ZNF418: variants seen among roughly 807,000 people sequenced by gnomAD.
ZNF418 encodes zinc finger protein 418.
A neutral mutation model predicts 32.0 loss-of-function variants in ZNF418; 32 were observed. The observed-to-expected ratio is 1.00, with a 90% CI of 0.75 to 1.34. ZNF418 has a LOEUF of 1.34. Ranked by LOEUF, ZNF418 falls within the 40% of genes most tolerant of loss-of-function variation. ZNF418 has a pLI of 0.00. For missense variants in ZNF418, 804 were observed against 812.5 expected, an observed-to-expected ratio of 0.99 and a Z score of 0.13; for synonymous variants, 276 against 270.7, an observed-to-expected ratio of 1.02 and a Z score of -0.19.
intron 1 of ZNF418, among the ~76,000 whole-genome samples, chr19:57,934,442 C>T (rs935102641): frequency 1.3e-5 from 2 of 152,172 alleles, no homozygotes; most frequent in African/African-American, 4.8e-5. Flanking sequence ...TCTCGAACTC[C>T]CGACCTCAGG....
chr19:57,933,939 C>T lies in ZNF418; in HGVS notation c.-80-37G>A, dbSNP rs763420864. 1.2e-5 allele frequency: 20 copies of T among 1,605,462 alleles called. No individual in the cohort carries two copies. The East Asian group carries it at 2.0e-4, about 16-fold the overall frequency. ...TGGGACTGTGGTAACATCACCTCCT[C>T]GCCGCCCTCTTGCCTCCCCACCGAA... On this transcript the variant is annotated intron_variant, in intron 1 of 5. Coordinates refer to ENST00000396147, the MANE Select transcript of ZNF418 (RefSeq NM_133460.3).
In ZNF418 at chr19:57,922,512, A is replaced by C. The variant is rs1388766266; in HGVS notation, c.*743T>G. The C allele has an allele frequency of 8.3e-5, 33 of 398,316 alleles. No individual in the cohort carries two copies. The highest frequency in any genetic ancestry group is 4.4e-6 in the Non-Finnish European group (1 of 225,998). The allele number at this position is 398,316 out of a possible 1,614,324, so 24.7% of individuals were successfully genotyped here. On this transcript the variant is annotated 3_prime_UTR_variant, in exon 6 of 6. Transcript: ENST00000396147. ...TCTGTAAGGAAATGCTTGAACCCAA[A>C]GAGAGAACATGCAGATCATAATCAG...
chr19:57,930,672 G>C, intron 2 of ZNF418, 118 bp from the exon 3 acceptor site: 1 of 1,453,292 alleles, frequency 6.9e-7, no homozygotes. Context: ...CAGCACAGAG[G>C]AGAAACTAGT....
Position 57,925,827 on chromosome 19 carries a change from G to A in ZNF418, c.*323C>T, listed in dbSNP as rs954415094. Reference sequence around the variant, plus strand: ...AATTGAGTTTATGCAGATGCTGAAGGTATGTCAATTTAGGCAGATGGCTCC... The same window carrying A: ...AATTGAGTTTATGCAGATGCTGAAGATATGTCAATTTAGGCAGATGGCTCC... On this transcript the variant is annotated 3_prime_UTR_variant, in exon 4 of 6. Coordinates refer to ENST00000396147, the MANE Select transcript of ZNF418 (RefSeq NM_133460.3). 1.9e-5 allele frequency: 5 copies of A among 267,798 alleles called. 1 individual carries two copies. In the Middle Eastern group the frequency reaches 5.1e-3, roughly 273 times the overall value. 16.6% of individuals were successfully genotyped at this position (267,798 alleles called of 1,614,324 possible). A position where few individuals can be genotyped will look rare whatever the true frequency, so the allele number is the denominator to read the frequency against.
chr19:57,933,515 G>C (rs948639029), intron 2 of ZNF418, among the ~76,000 whole-genome samples: 2 of 152,236 alleles, frequency 1.3e-5, no homozygotes, highest in Non-Finnish European at 2.9e-5. Context: ...GAGGTCAGGA[G>C]ATTGAGACTA....
chr19:57,929,404 T>C (rs2072387566), intron 3 of ZNF418, among the ~76,000 whole-genome samples: 1 of 152,168 alleles, frequency 6.6e-6, no homozygotes, highest in Non-Finnish European at 1.5e-5. Context: ...GGACTCTCCA[T>C]CCCACCATCA....
intron 3 of ZNF418, among the ~76,000 whole-genome samples, chr19:57,930,214 C>T (rs2072426538): frequency 1.3e-5 from 2 of 152,110 alleles, no homozygotes; most frequent in Admixed American, 1.3e-4. Context: ...TAACTCCTTC[C>T]CTGAGAGTCT....
At chr19:57,925,187 G>A (rs2072159236) in intron 4 of ZNF418, among the ~76,000 whole-genome samples, 2 of 151,994 alleles carry the variant, frequency 1.3e-5, no homozygotes, top group South Asian at 2.1e-4. Context: ...CCCGCTGGGT[G>A]CGGTGGCTCA....
Position 57,926,778 on chromosome 19 carries a change from T to C in ZNF418, c.1403A>G (p.His468Arg), listed in dbSNP as rs1600167801. 1.2e-6 allele frequency: 2 copies of C among 1,613,942 alleles called. No homozygotes were observed. Among genetic ancestry groups the C allele is most frequent in the Non-Finnish European group, 1.7e-6 (2 of 1,179,970 alleles). Reference sequence around the variant, plus strand: ...GTGAACTCTCTGGTGTTCAATGAGGTGGGACTTGCCCCTAAATAATTTCCT... The same window carrying C: ...GTGAACTCTCTGGTGTTCAATGAGGCGGGACTTGCCCCTAAATAATTTCCT... The part of the protein sequence containing the change: ...ECRKLFRGKS[H>R]LIEHQRVHTG... The change falls in exon 4 of 6, where the codon CAC (histidine) becomes CGC (arginine). Residue 468 changes from histidine to arginine, a missense_variant. Physicochemically the swap from His to Arg is conservative, Grantham distance 29. This residue lies in a region of ZNF418 where 475 missense variants were observed against 458.6 expected (regional missense o/e 1.04). Coordinates refer to ENST00000396147, the MANE Select transcript of ZNF418 (RefSeq NM_133460.3).
chr19:57,927,736 T>C lies in ZNF418; in HGVS notation c.445A>G (p.Arg149Gly). 1.2e-6 allele frequency: 2 copies of C among 1,614,148 alleles called. No homozygotes were observed. The highest frequency in any genetic ancestry group is 1.7e-6 in the Non-Finnish European group (2 of 1,179,978). ...SSVEEALFVKRCKFHVSEESS... is the reference protein window; with the variant it reads ...SSVEEALFVKGCKFHVSEESS... ...TCCTCTGACACATGGAACTTACACC[T>C]CTTCACAAACAATGCTTCCTCAACA... Residue 149 changes from arginine (R) to glycine (G), a missense_variant, in exon 4 of 6, where the codon AGG becomes GGG. By Grantham distance (125) the Arg-to-Gly change is moderately radical. Transcript: ENST00000396147.
chr19:57,923,505 C>CATACATGTATATACATATAT, intron 4 of ZNF418, among the ~76,000 whole-genome samples: 1 of 149,418 alleles, frequency 6.7e-6, no homozygotes, highest in African/African-American at 2.5e-5. Flanking sequence ...TACATATATA[C>CATACATGTATATACATATAT]ACACACATAT....
Position 57,927,287 on chromosome 19 carries a change from C to T in ZNF418, c.894G>A (p.Lys298=), listed in dbSNP as rs758124990. 1 of 1,613,786 alleles carries T rather than the reference C, an allele frequency of 6.2e-7. No individual in the cohort carries two copies. Among genetic ancestry groups the T allele is most frequent in the Non-Finnish European group, 8.5e-7 (1 of 1,179,992 alleles). The change falls in exon 4 of 6, where the codon AAG becomes AAA. Residue 298 remains lysine, a synonymous_variant. Coordinates refer to ENST00000396147, the MANE Select transcript of ZNF418 (RefSeq NM_133460.3). ...CTCGCTGATGCTGAACAAGGCTGCC[C>T]TTATGACTAAAAGATTTCCCACATT... ...CGECGKSFSH[K]GSLVQHQRVH...
In ZNF418 at chr19:57,926,112, GCA is replaced by G. The variant is rs2072204892; in HGVS notation, c.*36_*37del. On this transcript the variant is annotated 3_prime_UTR_variant, in exon 4 of 6. Coordinates refer to ENST00000396147, the MANE Select transcript of ZNF418 (RefSeq NM_133460.3). ...GTAAGAACCCTCTGATCAAGAAGAT[GCA>G]CAGAGGTTTAGCTAAAGAATTTCCC... 3 of 1,536,492 alleles carry G rather than the reference GCA, an allele frequency of 2.0e-6. No individual in the cohort carries two copies. Among genetic ancestry groups the G allele is most frequent in the East Asian group, 2.3e-5 (1 of 44,424 alleles).
rs2072014895 is a variant in ZNF418 at position 57,921,995 on chromosome 19, T to C, written c.*1260A>G. ...GAAGCATGCAGTTTATATAGTATTT[T>C]CACTTATCACCCTCCGCCTAGCTCA... is the stretch of plus-strand genomic sequence containing the variant. On this transcript the variant is annotated 3_prime_UTR_variant, in exon 6 of 6. Transcript: ENST00000396147. 1 of 152,278 alleles carries C rather than the reference T, an allele frequency of 6.6e-6. No individual in the cohort carries two copies. The highest frequency in any genetic ancestry group is 6.5e-5 in the Admixed American group (1 of 15,282). 9.4% of individuals were successfully genotyped at this position (152,278 alleles called of 1,614,324 possible).
chr19:57,932,007 A>G lies in ZNF418; in HGVS notation c.7-1453T>C, dbSNP rs557296452. 4.4e-3 allele frequency among the ~76,000 whole-genome samples: 672 copies of G among 152,336 alleles called. 2 individuals are homozygous for G. Among genetic ancestry groups the G allele is most frequent in the Non-Finnish European group, 7.2e-3 (491 of 68,026 alleles). ...CCATCCACAGCAATTTCAAAATCAA[A>G]TAACTCACAGCCTGGCAGAGAGGGC... On this transcript the variant is annotated intron_variant, in intron 2 of 5. Coordinates refer to ENST00000396147, the MANE Select transcript of ZNF418 (RefSeq NM_133460.3).
chr19:57,923,520 A>ATG (rs1170989472), intron 4 of ZNF418, among the ~76,000 whole-genome samples: 1,796 of 140,518 alleles, frequency 0.013, no homozygotes, highest in Middle Eastern at 0.019. Flanking sequence ...ACATATATAC[A>ATG]TATATACATA....
chr19:57,932,037 T>C (rs945807966), intron 2 of ZNF418, among the ~76,000 whole-genome samples: 1 of 152,212 alleles, frequency 6.6e-6, no homozygotes, highest in East Asian at 1.9e-4. Context: ...GAGGGCCACA[T>C]GGGGGTTGCA....
chr19:57,922,848 A>T (rs2072043641), intron 5 of ZNF418, among the ~76,000 whole-genome samples: 1 of 152,038 alleles, frequency 6.6e-6, no homozygotes, highest in Non-Finnish European at 1.5e-5. Context: ...GAAAAATTTT[A>T]AAAATTAGCT....
chr19:57,926,252 T>A lies in ZNF418; in HGVS notation c.1929A>T (p.Gly643=). 6.2e-7 allele frequency: 1 copy of A among 1,613,916 alleles called. No individual in the cohort carries two copies. ...SLTEHRRVHT[G]ERPYECSECG... ...ATTCACTGCACTCATAAGGCCTTTC[T>A]CCAGTGTGTACTCTCCTGTGTTCAG... The change falls in exon 4 of 6, where the codon GGA becomes GGT. Residue 643 remains glycine (G), a synonymous_variant. Coordinates refer to ENST00000396147, the MANE Select transcript of ZNF418 (RefSeq NM_133460.3).
Sources: allele counts gnomAD v4.1 joint callset (sites outside exome capture counted in the v4.1 genomes callset), GRCh38; gene constraint gnomAD v4.1.1; regional missense constraint gnomAD v4.1.1; transcripts MANE v1.5; gene names NCBI Gene and HGNC (gene_info 2026-07-23, HGNC 2026-07-21).